Variants in GMDS observed in about 807,000 individuals in gnomAD.
The protein encoded by GMDS is GDP-mannose 4,6-dehydratase, also known as GDP-mannose 4,6 dehydratase.
In GMDS, 20 loss-of-function variants were observed where a neutral mutation model predicts 49.9. That is an observed-to-expected ratio of 0.40 (90% CI 0.28 to 0.58). The LOEUF is 0.58. GMDS is among the 20% of genes least tolerant of loss of function. The pLI, the probability that GMDS is intolerant of heterozygous loss-of-function variation, is 0.42. For synonymous variants in GMDS, 177 were observed against 178.6 expected, an observed-to-expected ratio of 0.99 and a Z score of 0.07; for missense variants, 362 against 481.4, an observed-to-expected ratio of 0.75 and a Z score of 2.32.
Position 1,734,948 on chromosome 6 carries a change from T to G in GMDS, c.890+7520A>C, listed in dbSNP as rs575922400. 9.2e-4 allele frequency among the ~76,000 whole-genome samples: 140 copies of G among 152,338 alleles called. 1 individual carries two copies. Among genetic ancestry groups the G allele is most frequent in the Middle Eastern group, 3.4e-3 (1 of 294 alleles). Reference sequence around the variant, plus strand: ...GTGAACAGATCTTCTGACGCAGAGCTAGCATTTCAAAGAGCCTCAGCGTGT... The same window carrying G: ...GTGAACAGATCTTCTGACGCAGAGCGAGCATTTCAAAGAGCCTCAGCGTGT... On this transcript the variant is annotated intron_variant, in intron 8 of 10. Transcript: ENST00000380815.
At chr6:2,174,776 C>T (rs149351873) in intron 1 of GMDS, among the ~76,000 whole-genome samples, 18 of 152,152 alleles carry the variant, frequency 1.2e-4, no homozygotes, top group African/African-American at 4.3e-4. Flanking sequence ...ACCATGTTGG[C>T]CAGGCTGATC....
At chr6:2,121,561 C>T (rs1380009320) in intron 2 of GMDS, among the ~76,000 whole-genome samples, 1 of 152,178 alleles carries the variant, frequency 6.6e-6, no homozygotes, top group Non-Finnish European at 1.5e-5. Flanking sequence ...TCAGTGGCCA[C>T]ATTTGATGGC....
At chr6:2,074,153 T>C (rs1581613194) in intron 4 of GMDS, among the ~76,000 whole-genome samples, 1 of 152,220 alleles carries the variant, frequency 6.6e-6, no homozygotes, top group African/African-American at 2.4e-5. Context: ...AAGAGTTCCC[T>C]TTCCTCTATA....
At chr6:1,831,717 G>A (rs1756653388) in intron 7 of GMDS, among the ~76,000 whole-genome samples, 1 of 152,108 alleles carries the variant, frequency 6.6e-6, no homozygotes, top group South Asian at 2.1e-4. Flanking sequence ...TTTATCTGAA[G>A]GAGCTGAAGC....
chr6:2,037,590 C>T (rs561893596), intron 4 of GMDS, among the ~76,000 whole-genome samples: 3 of 152,268 alleles, frequency 2.0e-5, no homozygotes, highest in South Asian at 4.1e-4. Flanking sequence ...AACCAAACAT[C>T]GGTGATGGCA....
intron 1 of GMDS, among the ~76,000 whole-genome samples, chr6:2,237,617 G>T (rs928584927): frequency 6.6e-6 from 1 of 151,292 alleles, no homozygotes; most frequent in African/African-American, 2.4e-5. Flanking sequence ...TGCCTCCCGG[G>T]TTCAAGCGAT....
chr6:2,000,055 G>A (rs1247280193), intron 4 of GMDS, among the ~76,000 whole-genome samples: 6 of 47,834 alleles, frequency 1.3e-4, no homozygotes, highest in African/African-American at 4.5e-4. Context: ...TTTTTTTTGA[G>A]ATGGAGTCTC....
intron 7 of GMDS, among the ~76,000 whole-genome samples, chr6:1,824,179 T>C (rs755550916): frequency 2.6e-5 from 4 of 152,150 alleles, no homozygotes; most frequent in African/African-American, 9.7e-5. Flanking sequence ...CCTTGAAGTA[T>C]ACTATGTGAT....
At chr6:1,744,641 G>T (rs1174400760) in intron 7 of GMDS, among the ~76,000 whole-genome samples, 1 of 152,196 alleles carries the variant, frequency 6.6e-6, no homozygotes, top group East Asian at 1.9e-4. Context: ...GCTCGGCACC[G>T]TTTGTCAAGA....
At chr6:1,929,863 A>G (rs1263334719) in intron 7 of GMDS, among the ~76,000 whole-genome samples, 1 of 152,196 alleles carries the variant, frequency 6.6e-6, no homozygotes, top group African/African-American at 2.4e-5. Context: ...AATAATTGGA[A>G]GAGTATTTGT....
intron 4 of GMDS, among the ~76,000 whole-genome samples, chr6:2,081,434 C>T (rs565652807): frequency 3.3e-5 from 5 of 152,246 alleles, no homozygotes; most frequent in South Asian, 4.1e-4. Flanking sequence ...ACTTCCCCTC[C>T]GGATTCCTCC....
intron 4 of GMDS, among the ~76,000 whole-genome samples, chr6:2,052,325 G>A (rs958988253): frequency 2.0e-5 from 3 of 151,982 alleles, no homozygotes; most frequent in African/African-American, 7.3e-5. Context: ...TTTACCGGTA[G>A]TAGTACTTTT....
intron 4 of GMDS, among the ~76,000 whole-genome samples, chr6:2,040,116 T>C (rs935386096): frequency 5.3e-5 from 8 of 152,192 alleles, no homozygotes; most frequent in Non-Finnish European, 1.0e-4. Context: ...ATGCAGCACA[T>C]AACTGTACTT....
At chr6:1,711,699 G>C (rs1270361125) in intron 9 of GMDS, among the ~76,000 whole-genome samples, 2 of 152,320 alleles carry the variant, frequency 1.3e-5, no homozygotes, top group Non-Finnish European at 2.9e-5. Flanking sequence ...CTATCAGCCT[G>C]TCTTTGCCTC....
In GMDS at chr6:1,833,351, G is replaced by C. The variant is rs530723529; in HGVS notation, c.772-90765C>G. Among the ~76,000 whole-genome samples the C allele has an allele frequency of 6.6e-6, 1 of 151,842 alleles. No homozygotes were observed. Among genetic ancestry groups the C allele is most frequent in the South Asian group, 2.1e-4 (1 of 4,800 alleles). On this transcript the variant is annotated intron_variant, in intron 7 of 10. Transcript: ENST00000380815. The surrounding 1 kb of genome is among the most constrained non-coding windows in gnomAD (Gnocchi z 4.4). ...TTCCTTCATATGGAAAGCTCATCTCGGAGGTGTCAGGATAAAACATGAGAA... is the reference window on the plus strand; with the variant it reads ...TTCCTTCATATGGAAAGCTCATCTCCGAGGTGTCAGGATAAAACATGAGAA...
At chr6:1,832,685 T>C (rs755812303) in intron 7 of GMDS, among the ~76,000 whole-genome samples, 77 of 152,294 alleles carry the variant, frequency 5.1e-4, no homozygotes, top group Non-Finnish European at 1.0e-3. Context: ...GTCCACCACA[T>C]GCATTGTTAG....
intron 7 of GMDS, among the ~76,000 whole-genome samples, chr6:1,888,365 C>A (rs1759713055): frequency 6.6e-6 from 1 of 151,988 alleles, no homozygotes; most frequent in Non-Finnish European, 1.5e-5. Flanking sequence ...AGCAAGGCAC[C>A]TTCTTCATAA....
chr6:1,828,604 A>G (rs541105392), intron 7 of GMDS, among the ~76,000 whole-genome samples: 8 of 152,340 alleles, frequency 5.3e-5, no homozygotes, highest in South Asian at 4.1e-4. Flanking sequence ...TTCTCATATG[A>G]TATCTTGGAG....
intron 9 of GMDS, among the ~76,000 whole-genome samples, chr6:1,683,697 T>C (rs998601811): frequency 3.3e-5 from 5 of 152,206 alleles, no homozygotes; most frequent in Non-Finnish European, 7.3e-5. Context: ...GTCTCACTTG[T>C]GTTTTTCCTA....
Sources: gnomAD v4.1 joint callset for allele counts (sites outside exome capture counted in the v4.1 genomes callset) on GRCh38, gnomAD v4.1.1 for gene constraint, Gnocchi (gnomAD v3.1) non-coding constraint, MANE v1.5 for transcripts, NCBI Gene and HGNC (gene_info 2026-07-23, HGNC 2026-07-21) for gene names.